The following ZNF143 variants were observed in gnomAD, a reference collection of about 807,000 sequenced individuals.
ZNF143 encodes the protein SPH-binding factor.
A neutral mutation model predicts 74.1 loss-of-function variants in ZNF143; 49 were observed. The ratio of observed to expected loss-of-function variants is 0.66; its 90% CI spans 0.53 to 0.84. ZNF143 has a LOEUF of 0.84. Ranked by LOEUF, ZNF143 falls within the 40% of genes least tolerant of loss-of-function variation. The pLI is 0.00. For missense variants in ZNF143, 637 were observed against 793.4 expected, an observed-to-expected ratio of 0.80 and a Z score of 2.37; for synonymous variants, 304 against 282.8, an observed-to-expected ratio of 1.07 and a Z score of -0.75.
Position 9,470,743 on chromosome 11 carries a change from G to A in ZNF143, c.-7-559G>A, listed in dbSNP as rs148957584. ...TCCTCAGAAGGTTTTGAGCAGAAGC[G>A]GGACATGAGCTAACTTTTCCCTTCA... On this transcript the variant is annotated intron_variant, in intron 1 of 15. Transcript: ENST00000396602. 3.3e-5 allele frequency among the ~76,000 whole-genome samples: 5 copies of A among 152,182 alleles called. No homozygotes were observed. In the East Asian group the frequency reaches 7.7e-4, roughly 24 times the overall value.
At chr11:9,472,059 G>T (rs529988880) in intron 2 of ZNF143, among the ~76,000 whole-genome samples, 2 of 150,730 alleles carry the variant, frequency 1.3e-5, no homozygotes, top group Non-Finnish European at 2.9e-5. Context: ...CTCCCAAGTA[G>T]CTGAGACTAC....
At position 9,528,283 on chromosome 11, in the gene ZNF143, T is replaced by G. The variant is rs1019932860; in HGVS notation, c.*670T>G. The G allele has an allele frequency of 6.6e-6, 1 of 152,250 alleles. No individual in the cohort carries two copies. Among genetic ancestry groups the G allele is most frequent in the Non-Finnish European group, 1.5e-5 (1 of 68,040 alleles). The allele number at this position is 152,250 out of a possible 1,614,324, so 9.4% of individuals were successfully genotyped here. ...ATTAAAAAGTTAAATCCAGTGGTTTTGTTAAAGATTTTGCTTAGTATTCAA... is the reference window on the plus strand; with the variant it reads ...ATTAAAAAGTTAAATCCAGTGGTTTGGTTAAAGATTTTGCTTAGTATTCAA... On this transcript the variant is annotated 3_prime_UTR_variant, in exon 16 of 16. Coordinates refer to ENST00000396602, the MANE Select transcript of ZNF143 (RefSeq NM_003442.6).
At position 9,513,650 on chromosome 11, in the gene ZNF143, C is replaced by T. The variant is rs144274581; in HGVS notation, c.1524+1054C>T. Among the ~76,000 whole-genome samples, 1,060 of 152,372 alleles carry T rather than the reference C, an allele frequency of 7.0e-3. 5 individuals are homozygous for T. Among genetic ancestry groups the T allele is most frequent in the Middle Eastern group, 0.02 (6 of 294 alleles). ...GAGGCTTACGCCTATAATCACAGCACTTTGAGAGGCCAGAGCGGGTGGATC... is the reference window on the plus strand; with the variant it reads ...GAGGCTTACGCCTATAATCACAGCATTTTGAGAGGCCAGAGCGGGTGGATC... On this transcript the variant is annotated intron_variant, in intron 13 of 15. Transcript: ENST00000396602.
chr11:9,525,394 C>G lies in ZNF143; in HGVS notation c.1833+8C>G. ...ACCCAGATTGCAGTTCAGGTGAGTA[C>G]CAAGGCATACTGTCCTCAGTCGACA... On this transcript the variant is annotated splice_region_variant and intron_variant, in intron 15 of 15. Transcript: ENST00000396602. 6.2e-7 allele frequency: 1 copy of G among 1,613,964 alleles called. No homozygotes were observed. Among genetic ancestry groups the G allele is most frequent in the South Asian group, 1.1e-5 (1 of 91,062 alleles).
intron 1 of ZNF143, chr11:9,461,880 T>A (rs1424862727): frequency 6.6e-6 from 1 of 152,240 alleles, no homozygotes; most frequent in Admixed American, 6.5e-5. Context: ...CAGCCCATTA[T>A]TTGTTTAAAA....
At chr11:9,507,492 A>G (rs1848405196) in intron 11 of ZNF143, among the ~76,000 whole-genome samples, 1 of 152,188 alleles carries the variant, frequency 6.6e-6, no homozygotes, top group South Asian at 2.1e-4. Context: ...CAAGCCTACT[A>G]CAAATGAGCT....
chr11:9,463,171 T>C (rs1855976408), intron 1 of ZNF143, among the ~76,000 whole-genome samples: 2 of 152,264 alleles, frequency 1.3e-5, no homozygotes, highest in African/African-American at 2.4e-5. Flanking sequence ...ATTTTACTTA[T>C]CCATTCATCT....
chr11:9,488,832 A>C (rs932319424), intron 7 of ZNF143, among the ~76,000 whole-genome samples: 1 of 152,160 alleles, frequency 6.6e-6, no homozygotes, highest in Non-Finnish European at 1.5e-5. Flanking sequence ...AGGGATAGGT[A>C]TAAAGGGTAG....
chr11:9,509,385 G>A (rs190754577), intron 12 of ZNF143, among the ~76,000 whole-genome samples: 107 of 152,276 alleles, frequency 7.0e-4, no homozygotes, highest in African/African-American at 2.6e-3. Context: ...ATTGATTCAG[G>A]TGCTATTAAG....
intron 1 of ZNF143, among the ~76,000 whole-genome samples, chr11:9,465,509 A>AT (rs1443967782): frequency 8.1e-5 from 12 of 148,918 alleles, no homozygotes; most frequent in Non-Finnish European, 1.8e-4. Flanking sequence ...TTATTTATTT[A>AT]TTTTTTCTGA....
At chr11:9,501,019 A>AC in intron 10 of ZNF143, 72 bp from the exon 11 acceptor site, 1 of 1,559,316 alleles carries the variant, frequency 6.4e-7, no homozygotes, top group Non-Finnish European at 8.8e-7. Context: ...CCTAGGCAGG[A>AC]TTGAAGGATA....
At chr11:9,489,940 G>A (rs1409645622) in intron 7 of ZNF143, among the ~76,000 whole-genome samples, 1 of 152,170 alleles carries the variant, frequency 6.6e-6, no homozygotes, top group African/African-American at 2.4e-5. Context: ...AAACACTTTG[G>A]GAGGCTGAGG....
At chr11:9,522,447 A>T (rs1848968154) in intron 14 of ZNF143, among the ~76,000 whole-genome samples, 1 of 151,952 alleles carries the variant, frequency 6.6e-6, no homozygotes, top group African/African-American at 2.4e-5. Context: ...TTACATGTAT[A>T]TTAACTAGGT....
intron 11 of ZNF143, among the ~76,000 whole-genome samples, chr11:9,507,681 T>C (rs1848411121): frequency 6.6e-6 from 1 of 152,198 alleles, no homozygotes. Flanking sequence ...CCAGTTTGCT[T>C]TCAGTTTTAG....
intron 12 of ZNF143, among the ~76,000 whole-genome samples, chr11:9,511,907 A>G (rs1374279939): frequency 6.6e-6 from 1 of 151,130 alleles, no homozygotes; most frequent in Non-Finnish European, 1.5e-5. Context: ...GCCCGCCACC[A>G]TGACCAGCTA....
At chr11:9,520,901 T>A (rs1255737054) in intron 14 of ZNF143, among the ~76,000 whole-genome samples, 1 of 152,282 alleles carries the variant, frequency 6.6e-6, no homozygotes, top group Non-Finnish European at 1.5e-5. Context: ...CATTGTGGTT[T>A]TAATTTACAT....
intron 14 of ZNF143, among the ~76,000 whole-genome samples, chr11:9,523,085 T>A (rs7927576): frequency 1 from 152,267 of 152,340 alleles, 76,099 homozygotes; most frequent in Middle Eastern, 1. Context: ...TTGTAATTTT[T>A]AAATTGCATT....
At chr11:9,474,498 A>T in intron 4 of ZNF143, 52 bp from the exon 5 acceptor site, 1 of 1,568,806 alleles carries the variant, frequency 6.4e-7, no homozygotes, top group Non-Finnish European at 8.8e-7. Context: ...TAAGTGAGTT[A>T]ATTGGAATGT....
At chr11:9,461,869 C>T (rs932612884) in intron 1 of ZNF143, 1 of 152,138 alleles carries the variant, frequency 6.6e-6, no homozygotes. Flanking sequence ...AATACCATTG[C>T]CAGCCCATTA....
Sources: gnomAD v4.1 joint callset for allele counts (sites outside exome capture counted in the v4.1 genomes callset) on GRCh38, gnomAD v4.1.1 for gene constraint, MANE v1.5 for transcripts, NCBI Gene and HGNC (gene_info 2026-07-23, HGNC 2026-07-21) for gene names.